Variants in NEDD4L observed in about 807,000 individuals in gnomAD.
NEDD4L encodes NEDD4 like E3 ubiquitin protein ligase, also known as E3 ubiquitin-protein ligase NEDD4-like.
A neutral mutation model predicts 148.9 loss-of-function variants in NEDD4L; 54 were observed. That is an observed-to-expected ratio of 0.36 (90% CI 0.29 to 0.45). The LOEUF is 0.45. NEDD4L is among the 20% of genes least tolerant of loss of function. The pLI is 1.00. For synonymous variants in NEDD4L, 433 were observed against 440.7 expected, an observed-to-expected ratio of 0.98 and a Z score of 0.22; for missense variants, 856 against 1,233.8, an observed-to-expected ratio of 0.69 and a Z score of 4.59.
intron 5 of NEDD4L, among the ~76,000 whole-genome samples, chr18:58,287,206 AAAAGGCAGCTCTCAACCCAGCAC>A (rs1292100208): frequency 1.6e-4 from 24 of 152,174 alleles, no homozygotes; most frequent in African/African-American, 5.8e-4. Context: ...CATATGATCA[AAAAGGCAGCTCTCAACCCAGCAC>A]GAAATTCCAG....
chr18:58,240,582 C>T (rs1274217861), intron 2 of NEDD4L, among the ~76,000 whole-genome samples: 1 of 152,178 alleles, frequency 6.6e-6, no homozygotes, highest in African/African-American at 2.4e-5. Flanking sequence ...CCTGACCCAC[C>T]TACCTGCTAC....
chr18:58,295,357 G>A (rs955996410), intron 5 of NEDD4L, among the ~76,000 whole-genome samples: 1 of 152,158 alleles, frequency 6.6e-6, no homozygotes, highest in East Asian at 1.9e-4. Flanking sequence ...GAAGCTGGTG[G>A]AATAATGCAG....
At chr18:58,291,269 C>A (rs1465998314) in intron 5 of NEDD4L, among the ~76,000 whole-genome samples, 2 of 152,238 alleles carry the variant, frequency 1.3e-5, no homozygotes, top group Non-Finnish European at 2.9e-5. Context: ...TGCACTGGAG[C>A]TTTTCACAGC....
chr18:58,343,767 G>A (rs901234702), intron 16 of NEDD4L, among the ~76,000 whole-genome samples: 1 of 152,156 alleles, frequency 6.6e-6, no homozygotes, highest in South Asian at 2.1e-4. Flanking sequence ...ATTAATCAAA[G>A]GCAAATATGC....
Position 58,165,871 on chromosome 18 carries a change from C to T in NEDD4L, c.122+10C>T. ...ACATCTTTGGAGCCAGGTATGTTGGCTTTGTTTTTATTTCTGTGGACTTCT... is the reference window on the plus strand; with the variant it reads ...ACATCTTTGGAGCCAGGTATGTTGGTTTTGTTTTTATTTCTGTGGACTTCT... On this transcript the variant is annotated intron_variant, in intron 2 of 30. Transcript: ENST00000400345. The T allele has an allele frequency of 6.3e-7, 1 of 1,598,066 alleles. No individual in the cohort carries two copies. Among genetic ancestry groups the T allele is most frequent in the East Asian group, 2.2e-5 (1 of 44,668 alleles).
intron 1 of NEDD4L, among the ~76,000 whole-genome samples, chr18:58,106,248 C>G (rs1190631134): frequency 6.6e-6 from 1 of 152,226 alleles, no homozygotes; most frequent in Admixed American, 6.5e-5. Context: ...ATGGCATTCA[C>G]TTTGGGTTGT....
At chr18:58,292,250 G>T (rs1378662496) in intron 5 of NEDD4L, among the ~76,000 whole-genome samples, 4 of 152,154 alleles carry the variant, frequency 2.6e-5, no homozygotes, top group African/African-American at 9.7e-5. Context: ...ACCCTGAGTG[G>T]TCCTTCCACC....
chr18:58,241,865 T>C (rs543969608), intron 2 of NEDD4L, among the ~76,000 whole-genome samples: 2 of 152,194 alleles, frequency 1.3e-5, no homozygotes, highest in South Asian at 4.1e-4. Context: ...GCAGCTTCAC[T>C]AAGCAGAGAA....
intron 2 of NEDD4L, among the ~76,000 whole-genome samples, chr18:58,200,161 G>C (rs1005015095): frequency 6.6e-6 from 1 of 152,142 alleles, no homozygotes; most frequent in Non-Finnish European, 1.5e-5. Flanking sequence ...CCATGAAATG[G>C]CTCTTTTAAA....
Position 58,256,046 on chromosome 18 carries a change from G to A in NEDD4L, c.297+3992G>A, listed in dbSNP as rs554063057. 12 of 1,229,586 alleles carry A rather than the reference G, an allele frequency of 9.8e-6. No individual in the cohort carries two copies. The Admixed American group carries it at 4.2e-4, about 43-fold the overall frequency. 76.2% of individuals were successfully genotyped at this position (1,229,586 alleles called of 1,614,324 possible). ...GGCCTCCGCCACTGCCACCACGAGGGCCTCGCCCCAGAGTGGCTCCCGGGA... is the reference window on the plus strand; with the variant it reads ...GGCCTCCGCCACTGCCACCACGAGGACCTCGCCCCAGAGTGGCTCCCGGGA... On this transcript the variant is annotated intron_variant, in intron 5 of 30. Transcript: ENST00000400345. The surrounding 1 kb of genome is among the most constrained non-coding windows in gnomAD (Gnocchi z 5.2).
chr18:58,238,334 G>A (rs543416556), intron 2 of NEDD4L, among the ~76,000 whole-genome samples: 34 of 152,288 alleles, frequency 2.2e-4, no homozygotes, highest in African/African-American at 7.7e-4. Context: ...TTATTGAGAT[G>A]TAGGCTGGCC....
At chr18:58,365,964 G>C in intron 20 of NEDD4L, 35 bp from the exon 21 acceptor site, 1 of 1,436,432 alleles carries the variant, frequency 7.0e-7, no homozygotes, top group Non-Finnish European at 9.6e-7. Flanking sequence ...TGTATTTACT[G>C]TATGATTATG....
intron 1 of NEDD4L, among the ~76,000 whole-genome samples, chr18:58,052,514 C>T (rs2081917911): frequency 6.6e-6 from 1 of 152,108 alleles, no homozygotes; most frequent in African/African-American, 2.4e-5. Flanking sequence ...TGTCAAGGCT[C>T]TCAGATTCCC....
At position 58,366,885 on chromosome 18, in the gene NEDD4L, C is replaced by T. The variant is rs1482470458; in HGVS notation, c.2063+657C>T. On this transcript the variant is annotated intron_variant, in intron 21 of 30. Transcript: ENST00000400345. This position sits in a 1 kb window ranked among gnomAD's most constrained non-coding sequence, Gnocchi z 4.2. Reference sequence around the variant, plus strand: ...CATTTGTCATCACTCCAGCCCTGGGCTCTAAGGGGACGTGGGTTCCCCCAC... The same window carrying T: ...CATTTGTCATCACTCCAGCCCTGGGTTCTAAGGGGACGTGGGTTCCCCCAC... Among the ~76,000 whole-genome samples, 1 of 152,212 alleles carries T rather than the reference C, an allele frequency of 6.6e-6. No homozygotes were observed. Among genetic ancestry groups the T allele is most frequent in the African/African-American group, 2.4e-5 (1 of 41,456 alleles).
At chr18:58,310,914 G>A (rs1423573438) in intron 5 of NEDD4L, among the ~76,000 whole-genome samples, 1 of 152,176 alleles carries the variant, frequency 6.6e-6, no homozygotes, top group East Asian at 1.9e-4. Flanking sequence ...AACATACAAA[G>A]ATCTGATCAT....
In NEDD4L at chr18:58,096,856, G is replaced by T. The variant is rs141278017; in HGVS notation, c.48+52148G>T. The stretch of plus-strand genomic sequence containing the variant: ...TGAAGGCCCATAAGTCACAGAATGC[G>T]GTGTGTTGGAATGTGAAATCCTTTC... On this transcript the variant is annotated intron_variant, in intron 1 of 30. Coordinates refer to ENST00000400345, the MANE Select transcript of NEDD4L (RefSeq NM_001144967.3). Among the ~76,000 whole-genome samples the T allele has an allele frequency of 4.8e-3, 727 of 152,276 alleles. 6 individuals are homozygous for T. Among genetic ancestry groups the T allele is most frequent in the African/African-American group, 0.016 (681 of 41,546 alleles).
chr18:58,216,351 T>C (rs1415676128), intron 2 of NEDD4L, among the ~76,000 whole-genome samples: 1 of 152,080 alleles, frequency 6.6e-6, no homozygotes, highest in Non-Finnish European at 1.5e-5. Context: ...CTGGGGAATT[T>C]GCATTTCCTG....
intron 8 of NEDD4L, 43 bp from the exon 9 acceptor site, chr18:58,324,953 G>T: frequency 6.3e-7 from 1 of 1,576,796 alleles, no homozygotes; most frequent in Non-Finnish European, 8.6e-7. Context: ...ACTCACAGCC[G>T]AAGAACCAAC....
At chr18:58,199,960 C>T (rs900677371) in intron 2 of NEDD4L, among the ~76,000 whole-genome samples, 5 of 152,124 alleles carry the variant, frequency 3.3e-5, no homozygotes, top group South Asian at 2.1e-4. Context: ...CTTCAGGGTA[C>T]GTGGGGACTC....
Sources: gnomAD v4.1 joint callset for allele counts (sites outside exome capture counted in the v4.1 genomes callset) on GRCh38, gnomAD v4.1.1 for gene constraint, Gnocchi (gnomAD v3.1) non-coding constraint, MANE v1.5 for transcripts, NCBI Gene and HGNC (gene_info 2026-07-23, HGNC 2026-07-21) for gene names.